Variants in TMEM132D observed in about 807,000 individuals in gnomAD.
TMEM132D encodes the protein transmembrane protein 132D.
Under a neutral mutation model 62.3 loss-of-function variants are expected in TMEM132D, and 21 were observed. The observed-to-expected ratio is 0.34, with a 90% CI of 0.24 to 0.49. The LOEUF is 0.49. Among genes scored for constraint, TMEM132D ranks in the 20% least tolerant of loss-of-function variants. The probability of loss-of-function intolerance (pLI) is 0.99; values close to 1 mark genes in which losing one functional copy is unlikely to be tolerated. For synonymous variants in TMEM132D, 621 were observed against 575.6 expected (o/e 1.08, Z -1.13); for missense variants, 1,346 against 1,402.8 (o/e 0.96, Z 0.65).
chr12:129,810,541 A>C (rs1872138888), intron 1 of TMEM132D, among the ~76,000 whole-genome samples: 1 of 116,512 alleles, frequency 8.6e-6, no homozygotes, highest in Non-Finnish European at 1.8e-5. Flanking sequence ...ATTCAAGAAA[A>C]ATATATACAT....
intron 5 of TMEM132D, among the ~76,000 whole-genome samples, chr12:129,139,958 C>T (rs1218464002): frequency 6.6e-6 from 1 of 152,014 alleles, no homozygotes; most frequent in Non-Finnish European, 1.5e-5. Flanking sequence ...TCAAGCTATC[C>T]TCCCTCCTCG....
intron 4 of TMEM132D, among the ~76,000 whole-genome samples, chr12:129,241,959 C>T (rs58132305): frequency 0.26 from 40,257 of 152,036 alleles, 5,518 homozygotes; most frequent in African/African-American, 0.32. Flanking sequence ...TGCATTGGAC[C>T]CTGTAATTGC....
At chr12:129,513,648 A>C (rs1329229404) in intron 3 of TMEM132D, among the ~76,000 whole-genome samples, 27 of 140,930 alleles carry the variant, frequency 1.9e-4, no homozygotes, top group African/African-American at 2.9e-4. Flanking sequence ...CCACGCCCGG[A>C]TAATTTTTTT....
At chr12:129,421,399 G>C (rs974706062) in intron 3 of TMEM132D, among the ~76,000 whole-genome samples, 3 of 152,224 alleles carry the variant, frequency 2.0e-5, no homozygotes, top group Admixed American at 2.0e-4. Flanking sequence ...TCTCATGTGA[G>C]GGAGATTTTT....
chr12:129,748,499 G>C (rs905674372), intron 1 of TMEM132D, among the ~76,000 whole-genome samples: 1 of 152,138 alleles, frequency 6.6e-6, no homozygotes, highest in East Asian at 1.9e-4. Flanking sequence ...TATTAACAGG[G>C]AGAAAGGGTC....
intron 3 of TMEM132D, among the ~76,000 whole-genome samples, chr12:129,439,865 G>A (rs541592312): frequency 6.6e-6 from 1 of 152,288 alleles, no homozygotes; most frequent in South Asian, 2.1e-4. Flanking sequence ...GCTTGGATGT[G>A]TGCTTTGCTT....
intron 1 of TMEM132D, among the ~76,000 whole-genome samples, chr12:129,817,593 GT>G (rs398117003): frequency 3.1e-4 from 2 of 6,372 alleles, no homozygotes; most frequent in South Asian, 5.1e-3. Flanking sequence ...AGATAAGATG[GT>G]GTGTGTGTGT....
chr12:129,427,114 C>T (rs1222845808), intron 3 of TMEM132D, among the ~76,000 whole-genome samples: 1 of 152,150 alleles, frequency 6.6e-6, no homozygotes, highest in Non-Finnish European at 1.5e-5. Flanking sequence ...CTTGTCAGTG[C>T]TCAAATATAC....
chr12:129,434,399 T>C (rs1443913260), intron 3 of TMEM132D, among the ~76,000 whole-genome samples: 1 of 152,240 alleles, frequency 6.6e-6, no homozygotes, highest in African/African-American at 2.4e-5. Flanking sequence ...AAAATCTCGG[T>C]GCCAGTTTCT....
chr12:129,325,669 G>A (rs1216724747), intron 4 of TMEM132D, among the ~76,000 whole-genome samples: 1 of 152,158 alleles, frequency 6.6e-6, no homozygotes, highest in Non-Finnish European at 1.5e-5. Flanking sequence ...GGTAGTTGCT[G>A]ACAAGATTTT....
intron 3 of TMEM132D, among the ~76,000 whole-genome samples, chr12:129,438,744 C>G (rs1872858624): frequency 6.6e-6 from 1 of 152,130 alleles, no homozygotes; most frequent in Non-Finnish European, 1.5e-5. Context: ...CATATTACGG[C>G]TTTTGTGCTT....
At chr12:129,512,230 G>A (rs772018940) in intron 3 of TMEM132D, among the ~76,000 whole-genome samples, 13 of 152,098 alleles carry the variant, frequency 8.5e-5, no homozygotes, top group Non-Finnish European at 1.5e-4. Context: ...CTGTGTCTCC[G>A]GCATGCACCT....
chr12:129,376,967 G>A (rs1426283148), intron 3 of TMEM132D, among the ~76,000 whole-genome samples: 1 of 152,162 alleles, frequency 6.6e-6, no homozygotes, highest in Non-Finnish European at 1.5e-5. Flanking sequence ...ACTTCCTTGT[G>A]TGTCCCATAA....
At chr12:129,399,919 TAATG>T (rs1360262402) in intron 3 of TMEM132D, among the ~76,000 whole-genome samples, 17 of 152,102 alleles carry the variant, frequency 1.1e-4, no homozygotes, top group African/African-American at 3.9e-4. Context: ...ATTTTTCATA[TAATG>T]AATATTTATA....
At chr12:129,437,214 T>C (rs892840071) in intron 3 of TMEM132D, among the ~76,000 whole-genome samples, 7 of 152,142 alleles carry the variant, frequency 4.6e-5, no homozygotes, top group Non-Finnish European at 8.8e-5. Flanking sequence ...AGATGCCCTC[T>C]TTCTGCCAGT....
intron 4 of TMEM132D, among the ~76,000 whole-genome samples, chr12:129,241,760 C>G (rs1879944442): frequency 6.6e-6 from 1 of 152,182 alleles, no homozygotes; most frequent in Non-Finnish European, 1.5e-5. Flanking sequence ...CTGTGCTTCA[C>G]AAGGGCATAG....
intron 2 of TMEM132D, among the ~76,000 whole-genome samples, chr12:129,619,960 CAATACCCT>C (rs1179021005): frequency 1.3e-5 from 2 of 152,174 alleles, no homozygotes; most frequent in African/African-American, 2.4e-5. Context: ...TATTAGGTTA[CAATACCCT>C]AACCACGGCC....
intron 4 of TMEM132D, among the ~76,000 whole-genome samples, chr12:129,310,411 G>A (rs973168678): frequency 1.7e-4 from 26 of 152,304 alleles, no homozygotes; most frequent in African/African-American, 5.5e-4. Context: ...TGAGAGGGAG[G>A]AAAGACAAAT....
chr12:129,485,377 G>C (rs935890219), intron 3 of TMEM132D, among the ~76,000 whole-genome samples: 3 of 152,166 alleles, frequency 2.0e-5, no homozygotes, highest in Non-Finnish European at 1.5e-5. Context: ...CAGCCACCAG[G>C]GAAAACTCCC....
Sources: allele counts gnomAD v4.1 joint callset (sites outside exome capture counted in the v4.1 genomes callset), GRCh38; gene constraint gnomAD v4.1.1; transcripts MANE v1.5; gene names NCBI Gene and HGNC (gene_info 2026-07-23, HGNC 2026-07-21).